The following EPB41L4A variants were observed in gnomAD, a reference collection of about 807,000 sequenced individuals.
EPB41L4A encodes the protein band 4.1-like protein 4A.
EPB41L4A carries 100 observed loss-of-function variants against 108.6 expected under a neutral mutation model. The ratio of observed to expected loss-of-function variants is 0.92; its 90% CI spans 0.78 to 1.09. EPB41L4A has a LOEUF of 1.09. EPB41L4A is among the 50% of genes least tolerant of loss of function. EPB41L4A has a pLI of 0.00. For missense variants in EPB41L4A, 1,030 were observed against 842.7 expected, an observed-to-expected ratio of 1.22 and a Z score of -2.75; for synonymous variants, 319 against 289.0, an observed-to-expected ratio of 1.10 and a Z score of -1.05.
intron 1 of EPB41L4A, among the ~76,000 whole-genome samples, chr5:112,385,910 G>C (rs1014597870): frequency 5.3e-5 from 8 of 152,152 alleles, no homozygotes; most frequent in Non-Finnish European, 1.0e-4. Flanking sequence ...CTTGAAACTA[G>C]GACATTACTC....
chr5:112,295,784 T>C (rs1292492429), intron 2 of EPB41L4A, among the ~76,000 whole-genome samples: 2 of 152,180 alleles, frequency 1.3e-5, no homozygotes, highest in East Asian at 1.9e-4. Context: ...GGTTCTAAAA[T>C]CAGATACATT....
At chr5:112,193,810 C>T (rs943539323) in intron 17 of EPB41L4A, among the ~76,000 whole-genome samples, 4 of 152,150 alleles carry the variant, frequency 2.6e-5, no homozygotes, top group Non-Finnish European at 4.4e-5. Flanking sequence ...CCAATTGTCA[C>T]GATAAAAAAT....
intron 12 of EPB41L4A, among the ~76,000 whole-genome samples, chr5:112,225,908 C>A (rs1035535081): frequency 1.3e-5 from 2 of 152,334 alleles, no homozygotes; most frequent in East Asian, 3.9e-4. Context: ...TCTGCTTTCT[C>A]ACCTAAACAT....
chr5:112,311,878 A>G (rs1256438491), intron 1 of EPB41L4A, among the ~76,000 whole-genome samples: 2 of 152,342 alleles, frequency 1.3e-5, no homozygotes, highest in African/African-American at 4.8e-5. Context: ...ATCTAGGCAC[A>G]GAGAGAAACA....
intron 4 of EPB41L4A, among the ~76,000 whole-genome samples, chr5:112,269,284 T>C (rs897357789): frequency 6.6e-5 from 10 of 151,834 alleles, no homozygotes; most frequent in African/African-American, 2.4e-4. Flanking sequence ...AATCAAAAAC[T>C]GAAGGCAAAC....
chr5:112,403,490 TCTTTA>T (rs1349067232), intron 1 of EPB41L4A, among the ~76,000 whole-genome samples: 1 of 152,164 alleles, frequency 6.6e-6, no homozygotes, highest in Non-Finnish European at 1.5e-5. Context: ...TGCCTTTCTT[TCTTTA>T]GAGACAGGGT....
intron 1 of EPB41L4A, among the ~76,000 whole-genome samples, chr5:112,341,789 C>A (rs559207672): frequency 9.2e-5 from 14 of 151,944 alleles, no homozygotes; most frequent in Non-Finnish European, 1.8e-4. Flanking sequence ...CACACACACC[C>A]CAAAAGTTGT....
intron 1 of EPB41L4A, among the ~76,000 whole-genome samples, chr5:112,313,508 T>G (rs973710703): frequency 6.6e-6 from 1 of 152,098 alleles, no homozygotes; most frequent in Non-Finnish European, 1.5e-5. Context: ...GAAGAATCGC[T>G]TGAACCCGGG....
At chr5:112,168,255 C>T (rs1413937705) in intron 22 of EPB41L4A, among the ~76,000 whole-genome samples, 1 of 152,178 alleles carries the variant, frequency 6.6e-6, no homozygotes, top group African/African-American at 2.4e-5. Context: ...GCTAGGTGTT[C>T]TGTCTGAATT....
chr5:112,374,411 G>T (rs951859173), intron 1 of EPB41L4A, among the ~76,000 whole-genome samples: 11 of 152,144 alleles, frequency 7.2e-5, no homozygotes, highest in Admixed American at 2.0e-4. Context: ...ATAGTCAGGG[G>T]AATAAATACG....
At chr5:112,363,418 CAAA>C (rs70973635) in intron 1 of EPB41L4A, 3 of 94,922 alleles carry the variant, frequency 3.2e-5, no homozygotes. Flanking sequence ...CTTGACTCTA[CAAA>C]AAAAAAAAAA....
intron 9 of EPB41L4A, among the ~76,000 whole-genome samples, chr5:112,241,080 G>A (rs1024732113): frequency 6.6e-6 from 1 of 152,102 alleles, no homozygotes; most frequent in African/African-American, 2.4e-5. Flanking sequence ...TTGGACGGTA[G>A]AAGTGAAATA....
At chr5:112,391,904 G>C (rs1001365149) in intron 1 of EPB41L4A, among the ~76,000 whole-genome samples, 2 of 152,200 alleles carry the variant, frequency 1.3e-5, no homozygotes, top group African/African-American at 4.8e-5. Flanking sequence ...AGCGAGAAGA[G>C]AGTGGGGGCC....
intron 2 of EPB41L4A, among the ~76,000 whole-genome samples, chr5:112,297,027 T>C (rs1561548794): frequency 1.3e-5 from 2 of 151,428 alleles, no homozygotes; most frequent in Non-Finnish European, 2.9e-5. Flanking sequence ...ACACCACAGT[T>C]TATCCACTCG....
chr5:112,189,373 T>G (rs541211979), intron 17 of EPB41L4A, among the ~76,000 whole-genome samples: 5 of 152,334 alleles, frequency 3.3e-5, no homozygotes, highest in Middle Eastern at 3.4e-3. Context: ...ACTTTGCATG[T>G]GAGAAATGAA....
At chr5:112,252,159 G>A (rs915255487) in intron 9 of EPB41L4A, among the ~76,000 whole-genome samples, 12 of 152,192 alleles carry the variant, frequency 7.9e-5, no homozygotes, top group African/African-American at 2.9e-4. Context: ...GACAGAACTG[G>A]AAGTATGCTG....
chr5:112,418,777 G>A (rs1235710693), intron 1 of EPB41L4A, among the ~76,000 whole-genome samples, 164 bp downstream of exon 1: 1 of 152,020 alleles, frequency 6.6e-6, no homozygotes, highest in Non-Finnish European at 1.5e-5. Context: ...AACTCACCCT[G>A]GTACGTCCAC....
At chr5:112,245,165 T>A (rs951582883) in intron 9 of EPB41L4A, among the ~76,000 whole-genome samples, 19 of 151,898 alleles carry the variant, frequency 1.3e-4, no homozygotes, top group Admixed American at 7.2e-4. Flanking sequence ...TATTTATATT[T>A]TAAGTAACTG....
chr5:112,209,314 A>C (rs975177831), intron 13 of EPB41L4A, among the ~76,000 whole-genome samples: 5 of 152,248 alleles, frequency 3.3e-5, no homozygotes, highest in African/African-American at 1.2e-4. Flanking sequence ...CAGTGTCTTA[A>C]CAGAAAACAA....
Sources: gnomAD v4.1 joint callset for allele counts (sites outside exome capture counted in the v4.1 genomes callset) on GRCh38, gnomAD v4.1.1 for gene constraint, MANE v1.5 for transcripts, NCBI Gene and HGNC (gene_info 2026-07-23, HGNC 2026-07-21) for gene names.